Variants in GRAMD1B observed in about 807,000 individuals in gnomAD.
The protein encoded by GRAMD1B is GRAM domain containing 1B.
GRAMD1B carries 37 observed loss-of-function variants against 99.7 expected under a neutral mutation model. The observed-to-expected ratio is 0.37, with a 90% CI of 0.29 to 0.49. GRAMD1B has a LOEUF of 0.49. GRAMD1B is among the 20% of genes least tolerant of loss of function. The pLI is 0.98. For missense variants in GRAMD1B, 888 were observed against 1,009.2 expected, an observed-to-expected ratio of 0.88 and a Z score of 1.63; for synonymous variants, 427 against 387.6, an observed-to-expected ratio of 1.10 and a Z score of -1.19.
intron 2 of GRAMD1B, among the ~76,000 whole-genome samples, chr11:123,537,880 G>T (rs1944125280): frequency 6.6e-6 from 1 of 152,208 alleles, no homozygotes; most frequent in African/African-American, 2.4e-5. Context: ...TGCAGCTATA[G>T]AACTGGTTTT....
chr11:123,425,325 G>T (rs963505876), upstream of GRAMD1B, among the ~76,000 whole-genome samples: 1 of 152,162 alleles, frequency 6.6e-6, no homozygotes, highest in African/African-American at 2.4e-5. Context: ...CTTTCCTTGG[G>T]ATGGGCAGCC....
At chr11:123,426,506 G>A (rs1321471626), upstream of GRAMD1B, among the ~76,000 whole-genome samples, 2 of 152,174 alleles carry the variant, frequency 1.3e-5, no homozygotes, top group East Asian at 1.9e-4. Context: ...GTTTCTGTCC[G>A]TATTTCCAGC....
chr11:123,609,632 C>T (rs1215188126), intron 12 of GRAMD1B, among the ~76,000 whole-genome samples, 163 bp from the exon 13 acceptor site: 1 of 152,178 alleles, frequency 6.6e-6, no homozygotes, highest in Non-Finnish European at 1.5e-5. Flanking sequence ...TCGGCTACTC[C>T]TCCTCTTCCC....
At chr11:123,464,147 A>T (rs1950558538) in intron 1 of GRAMD1B, among the ~76,000 whole-genome samples, 1 of 151,962 alleles carries the variant, frequency 6.6e-6, no homozygotes, top group Non-Finnish European at 1.5e-5. Flanking sequence ...TAAAAAAAAA[A>T]AAAAAATTTA....
chr11:123,604,898 T>G (rs1054037744), intron 9 of GRAMD1B, among the ~76,000 whole-genome samples: 1 of 152,182 alleles, frequency 6.6e-6, no homozygotes, highest in African/African-American at 2.4e-5. Context: ...GCAATGCCAC[T>G]TAAGGAGCGC....
rs1053156594 is a variant in GRAMD1B at position 123,613,674 on chromosome 11, G to C, written c.2227+16G>C. ...CATGTGGCAGGTGTGTGCCAGGTGG[G>C]GACAGGTCGGGTGGACTAAGCTTTG... On this transcript the variant is annotated intron_variant, in intron 16 of 19. Coordinates refer to ENST00000635736, the MANE Select transcript of GRAMD1B (RefSeq NM_001387025.1). 1 of 1,602,852 alleles carries C rather than the reference G, an allele frequency of 6.2e-7. No individual in the cohort carries two copies. Among genetic ancestry groups the C allele is most frequent in the Non-Finnish European group, 8.5e-7 (1 of 1,172,278 alleles).
chr11:123,426,145 T>C (rs1306456008), upstream of GRAMD1B, among the ~76,000 whole-genome samples: 1 of 152,172 alleles, frequency 6.6e-6, no homozygotes, highest in African/African-American at 2.4e-5. Flanking sequence ...TGTAAGTGAA[T>C]TGCTTCTACT....
At chr11:123,617,731 G>A (rs1954618957) in intron 17 of GRAMD1B, among the ~76,000 whole-genome samples, 1 of 152,128 alleles carries the variant, frequency 6.6e-6, no homozygotes, top group Non-Finnish European at 1.5e-5. Context: ...ATCCAGTTTT[G>A]TGTGTCTCTG....
intron 1 of GRAMD1B, among the ~76,000 whole-genome samples, chr11:123,409,898 C>T (rs935630155): frequency 2.6e-5 from 4 of 152,218 alleles, no homozygotes; most frequent in South Asian, 2.1e-4. Flanking sequence ...GCTCGCCTCA[C>T]GCTTTCCTTT....
intron 7 of GRAMD1B, chr11:123,599,136 A>G: frequency 1.2e-6 from 1 of 810,630 alleles, no homozygotes. Context: ...TTCCACTGAC[A>G]TTGCCACATA....
chr11:123,514,665 G>A (rs1941499146), intron 2 of GRAMD1B, among the ~76,000 whole-genome samples: 1 of 152,188 alleles, frequency 6.6e-6, no homozygotes, highest in African/African-American at 2.4e-5. Context: ...CAGAAGCAGG[G>A]AGCTGAAGCG....
chr11:123,608,407 C>T, intron 11 of GRAMD1B: 1 of 1,182,896 alleles, frequency 8.5e-7, no homozygotes, highest in Non-Finnish European at 1.2e-6. Context: ...TCGTACATTC[C>T]CAAACACTTT....
chr11:123,421,772 G>A (rs1184886577), intron 1 of GRAMD1B, among the ~76,000 whole-genome samples: 1 of 152,334 alleles, frequency 6.6e-6, no homozygotes, highest in African/African-American at 2.4e-5. Flanking sequence ...CATGTTTCAT[G>A]TCTATTTGGA....
intron 1 of GRAMD1B, among the ~76,000 whole-genome samples, chr11:123,395,782 C>G (rs1947438148): frequency 6.6e-6 from 1 of 152,098 alleles, no homozygotes; most frequent in Admixed American, 6.5e-5. Context: ...GATGAAAACC[C>G]CTGTGCTCAA....
chr11:123,374,507 C>A (rs962132895), intron 1 of GRAMD1B, among the ~76,000 whole-genome samples: 1 of 152,174 alleles, frequency 6.6e-6, no homozygotes, highest in Non-Finnish European at 1.5e-5. Flanking sequence ...CTGAGAGCAG[C>A]CTAACTCACG....
At chr11:123,452,849 T>C (rs2134383036) in intron 1 of GRAMD1B, among the ~76,000 whole-genome samples, 1 of 152,350 alleles carries the variant, frequency 6.6e-6, no homozygotes, top group African/African-American at 2.4e-5. Flanking sequence ...TCTCCCTTTT[T>C]GCCAGATGTA....
rs1940878365 is a variant in GRAMD1B at position 123,510,430 on chromosome 11, C to A, written c.452+29537C>A. Among the ~76,000 whole-genome samples the A allele has an allele frequency of 2.0e-5, 3 of 152,168 alleles. No homozygotes were observed. Among genetic ancestry groups the A allele is most frequent in the Admixed American group, 2.0e-4 (3 of 15,282 alleles). ...CCAGGGGAGGTGCCCCCTGACTCAG[C>A]CTCCTGGGAGTCTGTGGAACACAGA... On this transcript the variant is annotated intron_variant, in intron 2 of 19. Coordinates refer to ENST00000635736, the MANE Select transcript of GRAMD1B (RefSeq NM_001387025.1). The surrounding 1 kb of genome is among the most constrained non-coding windows in gnomAD (Gnocchi z 4.3).
At chr11:123,477,794 A>G (rs1289412059) in intron 1 of GRAMD1B, among the ~76,000 whole-genome samples, 1 of 118,830 alleles carries the variant, frequency 8.4e-6, no homozygotes, top group Non-Finnish European at 1.7e-5. Flanking sequence ...TTTGTTTTTC[A>G]GATGGAGTCT....
chr11:123,625,987 C>CGAGT lies in GRAMD1B; in HGVS notation c.*3392_*3393insGAGT. On this transcript the variant is annotated 3_prime_UTR_variant, in exon 20 of 20. Transcript: ENST00000635736. ...GAGAGAGAGAGAGAGAGAGATCGAG[C>CGAGT]TTGATGTATTGCTCAGTATTCACTT... The CGAGT allele has an allele frequency of 9.5e-6, 1 of 104,764 alleles. No homozygotes were observed. The allele number at this position is 104,764 out of a possible 1,614,324, so 6.5% of individuals were successfully genotyped here. A position where few individuals can be genotyped will look rare whatever the true frequency, so the allele number is the denominator to read the frequency against.
Sources: allele counts gnomAD v4.1 joint callset (sites outside exome capture counted in the v4.1 genomes callset), GRCh38; gene constraint gnomAD v4.1.1; non-coding constraint Gnocchi (gnomAD v3.1); transcripts MANE v1.5; gene names NCBI Gene and HGNC (gene_info 2026-07-23, HGNC 2026-07-21).